IL5RA: variants seen among roughly 807,000 people sequenced by gnomAD.
IL5RA encodes interleukin-5 receptor subunit alpha.
IL5RA carries 49 observed loss-of-function variants against 50.0 expected under a neutral mutation model. The observed-to-expected ratio is 0.98, with a 90% confidence interval of 0.78 to 1.24. The LOEUF is 1.24. IL5RA is among the 50% of genes most tolerant of loss of function. The probability of loss-of-function intolerance (pLI) is 0.00; values close to 1 mark genes in which losing one functional copy is unlikely to be tolerated. For synonymous variants in IL5RA, 202 were observed against 174.0 expected, an observed-to-expected ratio of 1.16 and a Z score of -1.26; for missense variants, 600 against 500.4, an observed-to-expected ratio of 1.20 and a Z score of -1.90.
chr3:3,081,257 T>C (rs977619662), intron 9 of IL5RA, among the ~76,000 whole-genome samples: 7 of 152,168 alleles, frequency 4.6e-5, no homozygotes, highest in Admixed American at 4.6e-4. Flanking sequence ...TGGGACAAAC[T>C]AATAACAGCA....
In IL5RA at chr3:3,102,557, T is replaced by A. The variant is rs372225986; in HGVS notation, c.228+118A>T. 60 of 688,114 alleles carry A rather than the reference T, an allele frequency of 8.7e-5. No homozygotes were observed. In the African/African-American group the frequency reaches 9.9e-4, roughly 11 times the overall value. The allele number at this position is 688,114 out of a possible 1,614,324, so 42.6% of individuals were successfully genotyped here. ...GAGAGACACTATTCTACTGGTAACA[T>A]AACATAGAGCCTGTCAGTAATTTTA... is the stretch of plus-strand genomic sequence containing the variant. On this transcript the variant is annotated intron_variant, in intron 4 of 11. Transcript: ENST00000446632.
chr3:3,097,286 C>G (rs1166661960), intron 7 of IL5RA, among the ~76,000 whole-genome samples: 5 of 151,918 alleles, frequency 3.3e-5, no homozygotes, highest in African/African-American at 1.2e-4. Flanking sequence ...GTGAGAAATT[C>G]AGAGAGAGAG....
intron 9 of IL5RA, among the ~76,000 whole-genome samples, chr3:3,086,564 C>T (rs999713938): frequency 1.3e-5 from 2 of 151,842 alleles, no homozygotes; most frequent in African/African-American, 2.4e-5. Flanking sequence ...AAAAAAAATC[C>T]CAGCCCAGCT....
chr3:3,088,330 G>C (rs1432476530), intron 9 of IL5RA, among the ~76,000 whole-genome samples: 1 of 152,138 alleles, frequency 6.6e-6, no homozygotes, highest in East Asian at 1.9e-4. Flanking sequence ...AGGATGCTAA[G>C]CCCAGAGAGG....
chr3:3,107,381 A>AAACAATAAC (rs1553754344), intron 2 of IL5RA, among the ~76,000 whole-genome samples: 8 of 150,988 alleles, frequency 5.3e-5, no homozygotes, highest in Non-Finnish European at 1.0e-4. Context: ...TCCCTGCTTA[A>AAACAATAAC]AACAACAACA....
chr3:3,068,545 A>G lies in IL5RA; in HGVS notation c.*1680T>C, dbSNP rs1396676790. 1 of 145,630 alleles carries G rather than the reference A, an allele frequency of 6.9e-6. No individual in the cohort carries two copies. The highest frequency in any genetic ancestry group is 1.5e-5 in the Non-Finnish European group (1 of 67,364). 9.0% of individuals were successfully genotyped at this position (145,630 alleles called of 1,614,324 possible). On this transcript the variant is annotated 3_prime_UTR_variant, in exon 12 of 12. Coordinates refer to ENST00000446632, the MANE Select transcript of IL5RA (RefSeq NM_175726.4). ...AGCTAAGATCACATCACTACACTCT[A>G]GCCTGGGAGACAGAACAAGACTGTC...
intron 11 of IL5RA, among the ~76,000 whole-genome samples, chr3:3,071,927 A>G (rs1057136327): frequency 2.0e-5 from 3 of 152,166 alleles, no homozygotes; most frequent in African/African-American, 7.2e-5. Context: ...AGGTCTGAAC[A>G]AGCAAAAACT....
At chr3:3,089,032 G>A (rs143019104) in intron 9 of IL5RA, among the ~76,000 whole-genome samples, 224 of 152,238 alleles carry the variant, frequency 1.5e-3, no homozygotes, top group African/African-American at 4.9e-3. Context: ...GAGCCATGTC[G>A]AGGAAAGTCC....
Position 3,076,567 on chromosome 3 carries a change from C to G in IL5RA, c.1055G>C (p.Cys352Ser). 6.2e-7 allele frequency: 1 copy of G among 1,612,124 alleles called. No individual in the cohort carries two copies. The highest frequency in any genetic ancestry group is 8.5e-7 in the Non-Finnish European group (1 of 1,178,324). The change falls in exon 10 of 12, where the codon TGC becomes TCC. Residue 352 changes from cysteine (C) to serine (S), a missense_variant. Transcript: ENST00000446632. ...WFVIVIMATI[C>S]FILLILSLIC... is the part of the protein sequence containing the mutation. ...AAGCGAGAGAATTAACAAGATGAAG[C>G]AGATGGTTGCCATAATCACAATGAC...
At chr3:3,100,701 C>G (rs377395258) in intron 5 of IL5RA, among the ~76,000 whole-genome samples, 3 of 152,080 alleles carry the variant, frequency 2.0e-5, no homozygotes, top group African/African-American at 7.2e-5. Context: ...TAGGTAAAAT[C>G]CAGTTGTTCA....
chr3:3,073,767 T>C (rs1702378539), intron 11 of IL5RA: 2 of 451,008 alleles, frequency 4.4e-6, no homozygotes, highest in Non-Finnish European at 8.9e-6. Flanking sequence ...AAATCCCAGC[T>C]ACCTTTTTTT....
intron 2 of IL5RA, among the ~76,000 whole-genome samples, chr3:3,107,057 G>T (rs1703955567): frequency 6.6e-6 from 1 of 151,966 alleles, no homozygotes; most frequent in Non-Finnish European, 1.5e-5. Context: ...TTTTATAGCT[G>T]CTAAAAATAG....
chr3:3,081,646 C>T (rs1311567905), intron 9 of IL5RA, among the ~76,000 whole-genome samples: 1 of 152,172 alleles, frequency 6.6e-6, no homozygotes, highest in Non-Finnish European at 1.5e-5. Context: ...ACCATGATTA[C>T]AAAAATCTTT....
intron 9 of IL5RA, among the ~76,000 whole-genome samples, chr3:3,083,088 C>T (rs975435511): frequency 6.6e-6 from 1 of 152,164 alleles, no homozygotes; most frequent in Non-Finnish European, 1.5e-5. Flanking sequence ...GTCTATGATA[C>T]AGGGTTTAAC....
At chr3:3,074,970 T>C in intron 10 of IL5RA, 104 bp from the exon 11 acceptor site, 1 of 709,812 alleles carries the variant, frequency 1.4e-6, no homozygotes, top group Non-Finnish European at 2.4e-6. Context: ...CCTGCTGTTT[T>C]GTAAATTCAA....
intron 5 of IL5RA, among the ~76,000 whole-genome samples, chr3:3,100,406 G>A (rs1703588526): frequency 6.6e-6 from 1 of 152,172 alleles, no homozygotes; most frequent in Admixed American, 6.5e-5. Flanking sequence ...TTCAGTTCAT[G>A]TATATATGCA....
In IL5RA at chr3:3,076,524, C is replaced by G. The variant is rs773475131; in HGVS notation, c.1091+7G>C. On this transcript the variant is annotated splice_region_variant and intron_variant, in intron 10 of 11. Coordinates refer to ENST00000446632, the MANE Select transcript of IL5RA (RefSeq NM_175726.4). ...ACTGCAAGCACGCAAATGTAAAGAA[C>G]ACTTACATTTTACAGATAAGCGAGA... 1.3e-6 allele frequency: 2 copies of G among 1,568,494 alleles called. No individual in the cohort carries two copies. The highest frequency in any genetic ancestry group is 1.8e-6 in the Non-Finnish European group (2 of 1,139,512).
intron 2 of IL5RA, among the ~76,000 whole-genome samples, chr3:3,107,769 A>G (rs1378306033): frequency 6.6e-6 from 1 of 152,184 alleles, no homozygotes; most frequent in Non-Finnish European, 1.5e-5. Context: ...GATAGGTGTT[A>G]CATTTTTTGA....
At chr3:3,075,203 CTTTTTTT>C (rs10642608) in intron 10 of IL5RA, among the ~76,000 whole-genome samples, 6 of 69,974 alleles carry the variant, frequency 8.6e-5, no homozygotes, top group African/African-American at 2.4e-4. Flanking sequence ...AGTTTACTTA[CTTTTTTT>C]TTTTTTTTTT....
Sources: allele counts gnomAD v4.1 joint callset (sites outside exome capture counted in the v4.1 genomes callset), GRCh38; gene constraint gnomAD v4.1.1; transcripts MANE v1.5; gene names NCBI Gene and HGNC (gene_info 2026-07-23, HGNC 2026-07-21).